PCDHGA11: variants seen among roughly 807,000 people sequenced by gnomAD.
PCDHGA11 encodes the protein protocadherin gamma-A11.
A neutral mutation model predicts 60.4 loss-of-function variants in PCDHGA11; 39 were observed. The observed-to-expected ratio is 0.65, with a 90% CI of 0.50 to 0.84. PCDHGA11 has a LOEUF of 0.84. PCDHGA11 is among the 40% of genes least tolerant of loss of function. The pLI, the probability that PCDHGA11 is intolerant of heterozygous loss-of-function variation, is 0.00. For missense variants in PCDHGA11, 1,165 were observed against 1,197.7 expected (o/e 0.97, Z 0.40); for synonymous variants, 533 against 510.3 (o/e 1.04, Z -0.60).
rs2233612 is a variant in PCDHGA11 at position 141,511,014 on chromosome 5, A to G, written c.2649A>G (p.Gly883=). 8.6e-4 allele frequency: 1,386 copies of G among 1,614,082 alleles called. 14 individuals are homozygous for G. The African/African-American group carries it at 0.017, about 20-fold the overall frequency. The change falls in exon 4 of 4, where the codon GGA becomes GGG. Residue 883 remains glycine, a synonymous_variant. Coordinates refer to ENST00000398587, the MANE Select transcript of PCDHGA11 (RefSeq NM_018914.3). ...AGTMGLSARY[G]PQFTLQHVPD... ...CCATGGGATTGAGCGCCCGCTACGG[A>G]CCCCAGTTCACCCTGCAGCACGTGC...
chr5:141,473,796 G>A (rs2099328996), intron 1 of PCDHGA11, among the ~76,000 whole-genome samples: 1 of 152,224 alleles, frequency 6.6e-6, no homozygotes, highest in African/African-American at 2.4e-5. Context: ...GCAGTATGAT[G>A]CTACTGAGGA....
At chr5:141,441,782 G>T in intron 1 of PCDHGA11, 1 of 391,086 alleles carries the variant, frequency 2.6e-6, no homozygotes, top group East Asian at 8.8e-5. Context: ...TGGACGACCT[G>T]AATGACAACG....
Position 141,432,184 on chromosome 5 carries a change from C to T in PCDHGA11, c.2433+8524C>T, listed in dbSNP as rs774512372. 3.7e-6 allele frequency: 6 copies of T among 1,614,164 alleles called. No homozygotes were observed. The highest frequency in any genetic ancestry group is 2.2e-5 in the South Asian group (2 of 91,080). On this transcript the variant is annotated intron_variant, in intron 1 of 3. Transcript: ENST00000398587. The surrounding 1 kb of genome is among the most constrained non-coding windows in gnomAD (Gnocchi z 6.0). Reference sequence around the variant, plus strand: ...GAGGAGTTTCCCTCGTCTCTGTGACCGCCCACGACCCCGACTGTGAAGAGA... The same window carrying T: ...GAGGAGTTTCCCTCGTCTCTGTGACTGCCCACGACCCCGACTGTGAAGAGA...
intron 1 of PCDHGA11, among the ~76,000 whole-genome samples, chr5:141,466,916 GT>G (rs1204028461): frequency 6.6e-6 from 1 of 152,010 alleles, no homozygotes; most frequent in Non-Finnish European, 1.5e-5. Context: ...AAAACTCCTT[GT>G]ATTAGGAATA....
intron 1 of PCDHGA11, among the ~76,000 whole-genome samples, chr5:141,467,330 G>T (rs1335387199): frequency 6.6e-6 from 1 of 152,138 alleles, no homozygotes; most frequent in East Asian, 1.9e-4. Context: ...TGGGATTAGA[G>T]ACGTAAGCCA....
At chr5:141,427,519 G>A (rs1428732557) in intron 1 of PCDHGA11, 1 of 602,000 alleles carries the variant, frequency 1.7e-6, no homozygotes, top group Non-Finnish European at 3.1e-6. Context: ...GATTGGGAGC[G>A]GATCCCGGAG....
intron 1 of PCDHGA11, chr5:141,433,070 C>T: frequency 6.2e-7 from 1 of 1,614,174 alleles, no homozygotes; most frequent in Non-Finnish European, 8.5e-7. Flanking sequence ...CCTGATCTTC[C>T]CCCAGCCCAA....
In PCDHGA11 at chr5:141,454,796, A is replaced by ATTTT. The variant is rs61612330; in HGVS notation, c.2433+31162_2433+31165dup. Among the ~76,000 whole-genome samples, 123 of 77,452 alleles carry ATTTT rather than the reference A, an allele frequency of 1.6e-3. 16 individuals are homozygous for ATTTT. The highest frequency in any genetic ancestry group is 7.2e-3 in the South Asian group (14 of 1,958). 50.8% of individuals were successfully genotyped at this position (77,452 alleles called of 152,430 possible). On this transcript the variant is annotated intron_variant, in intron 1 of 3. Coordinates refer to ENST00000398587, the MANE Select transcript of PCDHGA11 (RefSeq NM_018914.3). ...AAGGAAATAATCCTCCATGGTTCTAATTTTTTTTTTTTTTTTTTTTTTTTT... is the reference window on the plus strand; with the variant it reads ...AAGGAAATAATCCTCCATGGTTCTAATTTTTTTTTTTTTTTTTTTTTTTTTTTTT...
At chr5:141,436,632 G>T (rs763510513) in intron 1 of PCDHGA11, among the ~76,000 whole-genome samples, 2 of 152,130 alleles carry the variant, frequency 1.3e-5, no homozygotes, top group Non-Finnish European at 2.9e-5. Context: ...TTCACAACAT[G>T]CAATTAATTA....
intron 2 of PCDHGA11, among the ~76,000 whole-genome samples, chr5:141,496,186 G>A (rs879940448): frequency 2.0e-5 from 3 of 152,018 alleles, no homozygotes; most frequent in Non-Finnish European, 4.4e-5. Flanking sequence ...AGCAGCCCCA[G>A]CTGCTCATTT....
At chr5:141,434,194 GTACT>G (rs527775432) in intron 1 of PCDHGA11, among the ~76,000 whole-genome samples, 169 of 152,308 alleles carry the variant, frequency 1.1e-3, no homozygotes, top group African/African-American at 3.9e-3. Flanking sequence ...TAATTCCAAT[GTACT>G]TACTTCTGTC....
At chr5:141,466,763 C>T (rs960940073) in intron 1 of PCDHGA11, among the ~76,000 whole-genome samples, 31 of 152,272 alleles carry the variant, frequency 2.0e-4, no homozygotes, top group Middle Eastern at 6.8e-3. Context: ...TCTTTTCAAA[C>T]TGTTATCTTA....
chr5:141,432,133 C>T lies in PCDHGA11; in HGVS notation c.2433+8473C>T, dbSNP rs1468632362. The stretch of plus-strand genomic sequence containing the variant: ...CGGTCTTCCCTCAGGCCTCCTATTC[C>T]GCTTATATCCCAGAGAACAATCCCA... On this transcript the variant is annotated intron_variant, in intron 1 of 3. Transcript: ENST00000398587. This position sits in a 1 kb window ranked among gnomAD's most constrained non-coding sequence, Gnocchi z 6.0. 9 of 1,614,142 alleles carry T rather than the reference C, an allele frequency of 5.6e-6. No homozygotes were observed. The highest frequency in any genetic ancestry group is 1.6e-4 in the Middle Eastern group (1 of 6,062).
chr5:141,475,343 G>A (rs1425482944), intron 1 of PCDHGA11, among the ~76,000 whole-genome samples: 1 of 152,178 alleles, frequency 6.6e-6, no homozygotes, highest in Non-Finnish European at 1.5e-5. Flanking sequence ...ATGACATCCA[G>A]TTTTAAAAGA....
intron 1 of PCDHGA11, among the ~76,000 whole-genome samples, chr5:141,451,875 T>C (rs747595781): frequency 5.9e-5 from 9 of 151,594 alleles, no homozygotes; most frequent in Non-Finnish European, 1.3e-4. Context: ...AATGAAACCC[T>C]GTCAAGAAAG....
intron 2 of PCDHGA11, among the ~76,000 whole-genome samples, chr5:141,502,866 C>CTTTTTTT (rs549047197): frequency 0.02 from 2,590 of 127,990 alleles, 216 homozygotes; most frequent in African/African-American, 0.075. Flanking sequence ...GACTCTCTGT[C>CTTTTTTT]TTTTTTTTTT....
At chr5:141,505,505 G>A (rs2099846270) in intron 3 of PCDHGA11, 24 bp downstream of exon 3, 1 of 1,614,132 alleles carries the variant, frequency 6.2e-7, no homozygotes, top group Non-Finnish European at 8.5e-7. Flanking sequence ...GTGTGTGTAT[G>A]GAAGAGTGGG....
Position 141,477,914 on chromosome 5 carries a change from G to T in PCDHGA11, c.2434-16893G>T. On this transcript the variant is annotated intron_variant, in intron 1 of 3. Coordinates refer to ENST00000398587, the MANE Select transcript of PCDHGA11 (RefSeq NM_018914.3). The surrounding 1 kb of genome is among the most constrained non-coding windows in gnomAD (Gnocchi z 4.9). ...ACGGGTGGTAGGCTGGGACGCGGAT[G>T]CAGGGCACAATGCCTGGCTCTCCTA... 2 of 1,614,204 alleles carry T rather than the reference G, an allele frequency of 1.2e-6. No homozygotes were observed. The highest frequency in any genetic ancestry group is 1.7e-6 in the Non-Finnish European group (2 of 1,180,044).
chr5:141,438,721 G>A (rs886300746), intron 1 of PCDHGA11, among the ~76,000 whole-genome samples: 30 of 148,304 alleles, frequency 2.0e-4, no homozygotes, highest in Non-Finnish European at 7.4e-5. Flanking sequence ...AGTGCAAGTG[G>A]TGTGATCTCA....
Sources: allele counts gnomAD v4.1 joint callset (sites outside exome capture counted in the v4.1 genomes callset), GRCh38; gene constraint gnomAD v4.1.1; non-coding constraint Gnocchi (gnomAD v3.1); transcripts MANE v1.5; gene names NCBI Gene and HGNC (gene_info 2026-07-23, HGNC 2026-07-21).